The following RBBP8 variants were observed in gnomAD, a reference collection of about 807,000 sequenced individuals.
RBBP8 encodes the protein DNA endonuclease RBBP8.
A neutral mutation model predicts 108.3 loss-of-function variants in RBBP8; 88 were observed. The ratio of observed to expected loss-of-function variants is 0.81; its 90% CI spans 0.68 to 0.97. The LOEUF is 0.97. RBBP8 is among the 50% of genes least tolerant of loss of function. The pLI is 0.00. For missense variants in RBBP8, 1,023 were observed against 1,049.0 expected (o/e 0.98, Z 0.34); for synonymous variants, 332 against 348.2 (o/e 0.95, Z 0.52).
At chr18:22,938,014 A>T (rs893114692) in intron 2 of RBBP8, among the ~76,000 whole-genome samples, 2 of 147,076 alleles carry the variant, frequency 1.4e-5, no homozygotes, top group South Asian at 4.4e-4. Flanking sequence ...TTTTGTAGAG[A>T]CAGAGTTTTG....
intron 18 of RBBP8, among the ~76,000 whole-genome samples, chr18:23,023,419 T>G (rs2144861671): frequency 6.6e-6 from 1 of 152,356 alleles, no homozygotes; most frequent in East Asian, 1.9e-4. Flanking sequence ...CACTTACATT[T>G]AATATAATTT....
intron 2 of RBBP8, among the ~76,000 whole-genome samples, chr18:22,943,706 T>C (rs977193513): frequency 3.9e-5 from 6 of 152,144 alleles, no homozygotes; most frequent in Non-Finnish European, 5.9e-5. Flanking sequence ...AAGAAAGTGA[T>C]GTTAGGGGTA....
chr18:22,973,606 A>G (rs1407613683), intron 5 of RBBP8, among the ~76,000 whole-genome samples: 1 of 152,208 alleles, frequency 6.6e-6, no homozygotes, highest in Non-Finnish European at 1.5e-5. Flanking sequence ...GGTATATGCT[A>G]TATGTACTAA....
intron 8 of RBBP8, among the ~76,000 whole-genome samples, chr18:22,985,990 CCCCT>C (rs1326396135): frequency 6.6e-6 from 1 of 151,316 alleles, no homozygotes; most frequent in Non-Finnish European, 1.5e-5. Context: ...AGACATTTCC[CCCCT>C]CCCCCCAGTC....
chr18:22,954,769 C>A (rs979227503), intron 4 of RBBP8, among the ~76,000 whole-genome samples: 7 of 152,142 alleles, frequency 4.6e-5, no homozygotes, highest in Non-Finnish European at 8.8e-5. Context: ...AGAAAACTTA[C>A]AATCATGGCG....
intron 4 of RBBP8, among the ~76,000 whole-genome samples, chr18:22,951,885 A>G (rs1912077818): frequency 6.6e-6 from 1 of 152,238 alleles, no homozygotes; most frequent in Non-Finnish European, 1.5e-5. Context: ...GGTGAGGTCT[A>G]GAAGGATCCT....
At chr18:22,988,193 T>A (rs547589281) in intron 8 of RBBP8, among the ~76,000 whole-genome samples, 1 of 152,254 alleles carries the variant, frequency 6.6e-6, no homozygotes. Flanking sequence ...TGCCTATTAG[T>A]GATTGCTTCT....
At chr18:23,020,202 C>A (rs1473078357) in intron 17 of RBBP8, among the ~76,000 whole-genome samples, 3 of 151,574 alleles carry the variant, frequency 2.0e-5, no homozygotes, top group African/African-American at 7.3e-5. Flanking sequence ...GGGTGGATCA[C>A]CTGAGGTCAG....
intron 16 of RBBP8, among the ~76,000 whole-genome samples, chr18:23,007,349 C>G (rs896312838): frequency 1.3e-5 from 2 of 151,652 alleles, no homozygotes; most frequent in Non-Finnish European, 2.9e-5. Context: ...TTTTAAATGT[C>G]TTTTTATTCT....
chr18:22,920,561 C>T (rs1318259631), intron 3 of RBBP8, among the ~76,000 whole-genome samples: 4 of 152,174 alleles, frequency 2.6e-5, no homozygotes, highest in Non-Finnish European at 5.9e-5. Context: ...ATCATATCTA[C>T]AATGATTCAG....
chr18:22,949,510 G>A (rs1021827057), intron 3 of RBBP8, 108 bp from the exon 4 acceptor site: 2 of 832,216 alleles, frequency 2.4e-6, no homozygotes, highest in African/African-American at 1.7e-5. Flanking sequence ...CTTTTCAGTT[G>A]TTTTGTTTTG....
In RBBP8 at chr18:22,936,977, A is replaced by G. The variant is rs1567945135; in HGVS notation, c.109+17A>G. ...AAGTACAAGGTAAAATCTTTTCTTA[A>G]ATACTTACAGCAGTATTTTGTTGAG... On this transcript the variant is annotated intron_variant, in intron 2 of 18. Transcript: ENST00000327155. The G allele has an allele frequency of 5.6e-6, 9 of 1,613,488 alleles. No individual in the cohort carries two copies. Among genetic ancestry groups the G allele is most frequent in the Non-Finnish European group, 7.6e-6 (9 of 1,179,882 alleles).
rs745319832 is a variant in RBBP8, at chr18:22,946,408, G to C, written c.110-36G>C. On this transcript the variant is annotated intron_variant, in intron 2 of 18. Transcript: ENST00000327155. The stretch of plus-strand genomic sequence containing the variant: ...GGAGCATTTGACTCATAAAGGAACT[G>C]TTGTAGAAGTAATACCTTTTCTTTT... 1.9e-6 allele frequency: 3 copies of C among 1,608,770 alleles called. 1 individual carries two copies. In the South Asian group the frequency reaches 3.3e-5, roughly 18 times the overall value.
intron 14 of RBBP8, among the ~76,000 whole-genome samples, chr18:22,999,588 T>A (rs1372004483): frequency 6.6e-6 from 1 of 150,474 alleles, no homozygotes; most frequent in Non-Finnish European, 1.5e-5. Context: ...GTGGGAGGAG[T>A]GTTGACATCA....
Position 22,953,882 on chromosome 18 carries a change from A to G in RBBP8, c.248+4169A>G, listed in dbSNP as rs1912259730. On this transcript the variant is annotated intron_variant, in intron 4 of 18. Coordinates refer to ENST00000327155, the MANE Select transcript of RBBP8 (RefSeq NM_002894.3). ...GGGAGGCCTCAGGAAACTTACAATC[A>G]TGGCAGAAAGGGAAGCAAACACATC... Among the ~76,000 whole-genome samples the G allele has an allele frequency of 3.9e-5, 6 of 152,138 alleles. 2 individuals carry two copies. The South Asian group carries it at 1.2e-3, about 32-fold the overall frequency.
intron 18 of RBBP8, among the ~76,000 whole-genome samples, chr18:23,023,588 A>G (rs2046407349): frequency 6.6e-6 from 1 of 152,172 alleles, no homozygotes; most frequent in Non-Finnish European, 1.5e-5. Flanking sequence ...TGAAGTCTTC[A>G]TGTCATTTAA....
At chr18:22,938,332 T>G (rs1910759499) in intron 2 of RBBP8, among the ~76,000 whole-genome samples, 1 of 151,886 alleles carries the variant, frequency 6.6e-6, no homozygotes, top group Non-Finnish European at 1.5e-5. Flanking sequence ...AAACTTATCC[T>G]TCACCTTAGA....
intron 12 of RBBP8, among the ~76,000 whole-genome samples, chr18:22,995,737 ATTTC>A (rs1598723041): frequency 1.3e-5 from 2 of 152,168 alleles, no homozygotes; most frequent in African/African-American, 2.4e-5. Flanking sequence ...TCAATATTTT[ATTTC>A]TTTTTATTGG....
rs573456630 is a variant in RBBP8 at position 22,939,678 on chromosome 18, A to C, written c.109+2718A>C. The stretch of plus-strand genomic sequence containing the variant: ...TGGAGACACAAAGAAATGTTCAAGA[A>C]ATGTTTTTTGGGCACTTACTATGTG... On this transcript the variant is annotated intron_variant, in intron 2 of 18. Transcript: ENST00000327155. Among the ~76,000 whole-genome samples the C allele has an allele frequency of 2.0e-5, 3 of 152,338 alleles. No individual in the cohort carries two copies. In the South Asian group the frequency reaches 6.2e-4, roughly 32 times the overall value.
Sources: gnomAD v4.1 joint callset for allele counts (sites outside exome capture counted in the v4.1 genomes callset) on GRCh38, gnomAD v4.1.1 for gene constraint, MANE v1.5 for transcripts, NCBI Gene and HGNC (gene_info 2026-07-23, HGNC 2026-07-21) for gene names.